BAIAP2L1: variants seen among roughly 807,000 people sequenced by gnomAD.
BAIAP2L1 encodes BAR/IMD domain containing adaptor protein 2 like 1.
BAIAP2L1 carries 35 observed loss-of-function variants against 66.3 expected under a neutral mutation model. The observed-to-expected ratio is 0.53, with a 90% CI of 0.40 to 0.70. The LOEUF is 0.70. Among genes scored for constraint, BAIAP2L1 ranks in the 30% least tolerant of loss-of-function variants. The pLI, the probability that BAIAP2L1 is intolerant of heterozygous loss-of-function variation, is 0.00. For synonymous variants in BAIAP2L1, 269 were observed against 248.7 expected (o/e 1.08, Z -0.77); for missense variants, 622 against 656.9 (o/e 0.95, Z 0.58).
At position 98,393,138 on chromosome 7, in the gene BAIAP2L1, TATG is replaced by T. The variant is rs1803103691; in HGVS notation, c.51+7661_51+7663del. 5.5e-5 allele frequency among the ~76,000 whole-genome samples: 3 copies of T among 54,176 alleles called. 1 individual carries two copies. The highest frequency in any genetic ancestry group is 1.9e-4 in the Non-Finnish European group (3 of 15,656). The allele number at this position is 54,176 out of a possible 152,430, so 35.5% of individuals were successfully genotyped here. A position where few individuals can be genotyped will look rare whatever the true frequency, so the allele number is the denominator to read the frequency against. ...ACACATATATGTATATATACACACA[TATG>T]TGTACATATATATGTACACATATAT... On this transcript the variant is annotated intron_variant, in intron 1 of 13. Coordinates refer to ENST00000005260, the MANE Select transcript of BAIAP2L1 (RefSeq NM_018842.5).
chr7:98,343,128 T>G (rs1472082040), intron 3 of BAIAP2L1, among the ~76,000 whole-genome samples: 1 of 151,868 alleles, frequency 6.6e-6, no homozygotes, highest in East Asian at 1.9e-4. Context: ...CCAGGCGCAG[T>G]AGCTCACGCC....
At chr7:98,376,674 A>C (rs1407635789) in intron 1 of BAIAP2L1, among the ~76,000 whole-genome samples, 50 of 150,816 alleles carry the variant, frequency 3.3e-4, no homozygotes, top group South Asian at 2.7e-3. Flanking sequence ...AAAAAAAAAA[A>C]ACACACAAAA....
chr7:98,337,115 C>T (rs1801632927), intron 3 of BAIAP2L1, among the ~76,000 whole-genome samples: 1 of 152,186 alleles, frequency 6.6e-6, no homozygotes, highest in Non-Finnish European at 1.5e-5. Context: ...CCAACTAAAA[C>T]TCTTCACGGG....
intron 1 of BAIAP2L1, among the ~76,000 whole-genome samples, chr7:98,373,395 C>G (rs1199908489): frequency 6.6e-6 from 1 of 152,140 alleles, no homozygotes; most frequent in Non-Finnish European, 1.5e-5. Context: ...ACCTATTGGT[C>G]TATATTAGCT....
At chr7:98,399,000 A>G (rs1464798115) in intron 1 of BAIAP2L1, among the ~76,000 whole-genome samples, 3 of 152,162 alleles carry the variant, frequency 2.0e-5, no homozygotes, top group Non-Finnish European at 4.4e-5. Context: ...TCCTTCACTG[A>G]CAGTCAACAG....
At chr7:98,369,345 C>T (rs1188878737) in intron 1 of BAIAP2L1, among the ~76,000 whole-genome samples, 3 of 151,984 alleles carry the variant, frequency 2.0e-5, no homozygotes, top group East Asian at 1.9e-4. Context: ...TTGCTGGGCA[C>T]GGCGGTGGGT....
intron 3 of BAIAP2L1, among the ~76,000 whole-genome samples, chr7:98,329,112 C>T (rs980932814): frequency 2.6e-5 from 4 of 152,178 alleles, no homozygotes; most frequent in African/African-American, 4.8e-5. Flanking sequence ...CAAAAACAAT[C>T]GCAAAGGCAC....
Position 98,310,434 on chromosome 7 carries a change from G to T in BAIAP2L1, c.955+11C>A, listed in dbSNP as rs780269839. ...AAGGTATCTTCAAATAAATCAGACT[G>T]AATCTCTTACCTGTTGAATTATTTA... On this transcript the variant is annotated intron_variant, in intron 9 of 13. Transcript: ENST00000005260. The T allele has an allele frequency of 1.1e-4, 174 of 1,576,856 alleles. No homozygotes were observed. Among genetic ancestry groups the T allele is most frequent in the Non-Finnish European group, 1.4e-4 (161 of 1,167,944 alleles).
intron 3 of BAIAP2L1, among the ~76,000 whole-genome samples, chr7:98,326,553 G>A (rs1801385337): frequency 6.6e-6 from 1 of 152,148 alleles, no homozygotes; most frequent in Non-Finnish European, 1.5e-5. Context: ...CTCATACTGG[G>A]ACAACTTGAG....
intron 8 of BAIAP2L1, among the ~76,000 whole-genome samples, chr7:98,311,868 T>C (rs1800885602): frequency 6.6e-6 from 1 of 152,116 alleles, no homozygotes; most frequent in Non-Finnish European, 1.5e-5. Context: ...ATCACTCCAC[T>C]GTACTCCAGC....
intron 9 of BAIAP2L1, chr7:98,309,910 T>C (rs6951286): frequency 0.66 from 101,323 of 153,464 alleles, 34,159 homozygotes; most frequent in Non-Finnish European, 0.73. Context: ...AGTGCAGTGG[T>C]GCGACCTCAG....
intron 7 of BAIAP2L1, among the ~76,000 whole-genome samples, chr7:98,313,569 T>C (rs1247572612): frequency 6.6e-6 from 1 of 152,138 alleles, no homozygotes; most frequent in Non-Finnish European, 1.5e-5. Context: ...AGACATGCTG[T>C]TGACAAAAGT....
intron 6 of BAIAP2L1, among the ~76,000 whole-genome samples, chr7:98,316,022 C>T (rs1023114932): frequency 1.3e-5 from 2 of 152,162 alleles, no homozygotes; most frequent in African/African-American, 2.4e-5. Context: ...TTGTAGCTCC[C>T]GTAATTCCTA....
intron 1 of BAIAP2L1, 72 bp from the exon 2 acceptor site, chr7:98,362,504 G>T: frequency 1.5e-6 from 2 of 1,326,816 alleles, no homozygotes; most frequent in African/African-American, 1.5e-5. Flanking sequence ...TTTTGTCACT[G>T]TGTGGCCCAG....
intron 1 of BAIAP2L1, among the ~76,000 whole-genome samples, chr7:98,364,520 C>T (rs190984926): frequency 6.6e-6 from 1 of 152,252 alleles, no homozygotes; most frequent in East Asian, 1.9e-4. Context: ...GGTAGGTCCA[C>T]GTCTTCCTAT....
In BAIAP2L1 at chr7:98,383,531, C is replaced by T. The variant is rs560795533; in HGVS notation, c.51+17271G>A. 1.4e-3 allele frequency among the ~76,000 whole-genome samples: 211 copies of T among 152,134 alleles called. 1 individual carries two copies. The highest frequency in any genetic ancestry group is 2.6e-3 in the Non-Finnish European group (176 of 67,998). On this transcript the variant is annotated intron_variant, in intron 1 of 13. Transcript: ENST00000005260. The stretch of plus-strand genomic sequence containing the variant: ...CGAACTCCAGACCTCAGGTGATCCA[C>T]CCACCTCGGCCTCCCAAAGTGCTGG...
chr7:98,393,445 G>A (rs1803120097), intron 1 of BAIAP2L1, among the ~76,000 whole-genome samples: 1 of 151,880 alleles, frequency 6.6e-6, no homozygotes, highest in South Asian at 2.1e-4. Context: ...GCATTTTCTT[G>A]TTAATTAAAT....
chr7:98,294,519 G>C (rs1418534839), intron 12 of BAIAP2L1, among the ~76,000 whole-genome samples: 2 of 152,190 alleles, frequency 1.3e-5, no homozygotes, highest in Non-Finnish European at 2.9e-5. Context: ...GCTCACATGT[G>C]AACGAGCCGC....
chr7:98,344,555 T>A (rs572064825), intron 3 of BAIAP2L1, among the ~76,000 whole-genome samples: 1 of 152,336 alleles, frequency 6.6e-6, no homozygotes, highest in Non-Finnish European at 1.5e-5. Context: ...TCTGACAGAT[T>A]TGCCGATCAT....
Sources: allele counts gnomAD v4.1 joint callset (sites outside exome capture counted in the v4.1 genomes callset), GRCh38; gene constraint gnomAD v4.1.1; transcripts MANE v1.5; gene names NCBI Gene and HGNC (gene_info 2026-07-23, HGNC 2026-07-21).